PAK5: variants seen among roughly 807,000 people sequenced by gnomAD.
The protein encoded by PAK5 is serine/threonine-protein kinase PAK 5.
A neutral mutation model predicts 65.9 loss-of-function variants in PAK5; 16 were observed. That is an observed-to-expected ratio of 0.24 (90% CI 0.16 to 0.37). The LOEUF is 0.37. Among genes scored for constraint, PAK5 ranks in the 10% least tolerant of loss-of-function variants. The pLI is 1.00. For synonymous variants in PAK5, 371 were observed against 354.9 expected, an observed-to-expected ratio of 1.05 and a Z score of -0.51; for missense variants, 785 against 903.9, an observed-to-expected ratio of 0.87 and a Z score of 1.69.
intron 1 of PAK5, among the ~76,000 whole-genome samples, chr20:9,774,739 C>T (rs1303990024): frequency 6.6e-6 from 1 of 151,834 alleles, no homozygotes; most frequent in Non-Finnish European, 1.5e-5. Context: ...GTCAGGAGAT[C>T]GAGACCATCC....
intron 3 of PAK5, among the ~76,000 whole-genome samples, chr20:9,584,010 T>G (rs981499449): frequency 6.6e-6 from 1 of 152,212 alleles, no homozygotes; most frequent in African/African-American, 2.4e-5. Flanking sequence ...ATGTAGTCAT[T>G]GTTGAGGGTG....
intron 1 of PAK5, among the ~76,000 whole-genome samples, chr20:9,739,655 G>GGT (rs1201746044): frequency 6.6e-6 from 1 of 151,908 alleles, no homozygotes; most frequent in African/African-American, 2.4e-5. Flanking sequence ...TTTTTCTCAG[G>GGT]GGTCAGATTA....
At chr20:9,562,760 T>C (rs1355678542) in intron 6 of PAK5, 131 bp downstream of exon 6, 13 of 736,824 alleles carry the variant, frequency 1.8e-5, no homozygotes, top group Admixed American at 7.2e-5. Context: ...CTGGGGAATG[T>C]AGGGGAAAGG....
chr20:9,660,533 T>A (rs1366814783), intron 2 of PAK5, among the ~76,000 whole-genome samples: 1 of 151,700 alleles, frequency 6.6e-6, no homozygotes, highest in East Asian at 2.0e-4. Context: ...TTACGTAGTA[T>A]ATTAGAAGAT....
At chr20:9,604,021 C>T (rs1266924757) in intron 3 of PAK5, among the ~76,000 whole-genome samples, 1 of 152,218 alleles carries the variant, frequency 6.6e-6, no homozygotes, top group Non-Finnish European at 1.5e-5. Flanking sequence ...GAATTATGAT[C>T]ACCACACCAC....
intron 3 of PAK5, among the ~76,000 whole-genome samples, chr20:9,633,721 G>A (rs896501423): frequency 1.3e-5 from 2 of 152,202 alleles, no homozygotes; most frequent in African/African-American, 4.8e-5. Flanking sequence ...GGAACCCTCA[G>A]TATATGCGGT....
chr20:9,541,133 G>A (rs1325431428), intron 9 of PAK5, among the ~76,000 whole-genome samples: 1 of 152,108 alleles, frequency 6.6e-6, no homozygotes, highest in Non-Finnish European at 1.5e-5. Context: ...TATGAGTGAT[G>A]CTACTGGGGC....
intron 1 of PAK5, among the ~76,000 whole-genome samples, chr20:9,740,278 C>T (rs566992629): frequency 3.0e-4 from 46 of 152,180 alleles, no homozygotes; most frequent in Admixed American, 2.6e-3. Context: ...CTCTAAATAC[C>T]AGGGGCTTAT....
chr20:9,556,662 G>A (rs1215235666), intron 7 of PAK5, among the ~76,000 whole-genome samples: 1 of 152,154 alleles, frequency 6.6e-6, no homozygotes, highest in Non-Finnish European at 1.5e-5. Context: ...TATTTCCTTG[G>A]CTGTTATATT....
At chr20:9,694,966 A>G (rs2047848754) in intron 2 of PAK5, among the ~76,000 whole-genome samples, 1 of 152,034 alleles carries the variant, frequency 6.6e-6, no homozygotes, top group Non-Finnish European at 1.5e-5. Context: ...GCTTTAGTAG[A>G]GTGTTCCAGT....
At position 9,563,035 on chromosome 20, in the gene PAK5, G is replaced by A. The variant is rs376041609; in HGVS notation, c.1483-11C>T. 3.8e-5 allele frequency: 61 copies of A among 1,610,826 alleles called. No individual in the cohort carries two copies. The highest frequency in any genetic ancestry group is 5.0e-5 in the Non-Finnish European group (59 of 1,178,288). ...CCGCATGATCACGACCTGGGGAAAC[G>A]GGAAATATACTTTTGACTTGTGAAG... is the stretch of plus-strand genomic sequence containing the variant. On this transcript the variant is annotated splice_polypyrimidine_tract_variant and intron_variant, in intron 5 of 9. Coordinates refer to ENST00000353224, the MANE Select transcript of PAK5 (RefSeq NM_177990.4).
chr20:9,711,129 C>T (rs1035745760), intron 2 of PAK5, among the ~76,000 whole-genome samples, 157 bp downstream of exon 2: 2 of 152,144 alleles, frequency 1.3e-5, no homozygotes, highest in African/African-American at 4.8e-5. Context: ...ATAAGCTTGC[C>T]CTTTTAGTTT....
intron 1 of PAK5, among the ~76,000 whole-genome samples, chr20:9,805,897 G>A (rs940606508): frequency 6.6e-5 from 10 of 152,154 alleles, no homozygotes; most frequent in African/African-American, 2.4e-5. Context: ...TTCAGTTGTG[G>A]TAGTAGCACT....
chr20:9,643,838 C>T (rs2047099072), intron 3 of PAK5, among the ~76,000 whole-genome samples: 1 of 152,120 alleles, frequency 6.6e-6, no homozygotes, highest in Non-Finnish European at 1.5e-5. Context: ...AGTATAAAGT[C>T]TAACAAAAAC....
chr20:9,791,762 T>TA (rs1356271923), intron 1 of PAK5, among the ~76,000 whole-genome samples: 1 of 152,142 alleles, frequency 6.6e-6, no homozygotes, highest in African/African-American at 2.4e-5. Context: ...AGGACTCCTT[T>TA]AAAAAGGCAT....
chr20:9,779,914 G>A (rs1289516414), intron 1 of PAK5, among the ~76,000 whole-genome samples: 1 of 151,958 alleles, frequency 6.6e-6, no homozygotes, highest in African/African-American at 2.4e-5. Context: ...AACAAATTAT[G>A]TATAATAATG....
At chr20:9,627,921 C>G (rs1221796798) in intron 3 of PAK5, among the ~76,000 whole-genome samples, 1 of 152,210 alleles carries the variant, frequency 6.6e-6, no homozygotes, top group African/African-American at 2.4e-5. Context: ...GCCATTGCGC[C>G]TGGCCTTTCC....
At chr20:9,737,824 A>G (rs12625312) in intron 1 of PAK5, among the ~76,000 whole-genome samples, 1 of 152,298 alleles carries the variant, frequency 6.6e-6, no homozygotes, top group African/African-American at 2.4e-5. Flanking sequence ...TAAAAGATTA[A>G]CCATACCAAG....
intron 8 of PAK5, among the ~76,000 whole-genome samples, chr20:9,543,821 A>G (rs1179886841): frequency 6.6e-6 from 1 of 152,146 alleles, no homozygotes; most frequent in Non-Finnish European, 1.5e-5. Context: ...AAAGATTAAG[A>G]GTGATTGTTT....
Sources: allele counts gnomAD v4.1 joint callset (sites outside exome capture counted in the v4.1 genomes callset), GRCh38; gene constraint gnomAD v4.1.1; transcripts MANE v1.5; gene names NCBI Gene and HGNC (gene_info 2026-07-23, HGNC 2026-07-21).